Variants in MMEL1 observed in about 807,000 individuals in gnomAD.
The protein encoded by MMEL1 is membrane metallo-endopeptidase-like 1.
Under a neutral mutation model 117.1 loss-of-function variants are expected in MMEL1, and 98 were observed. The ratio of observed to expected loss-of-function variants is 0.84; its 90% confidence interval spans 0.71 to 0.99. The LOEUF (loss-of-function observed/expected upper bound fraction) is 0.99. Ranked by LOEUF, MMEL1 falls within the 50% of genes least tolerant of loss-of-function variation. MMEL1 has a pLI of 0.00. For synonymous variants in MMEL1, 390 were observed against 415.1 expected, an observed-to-expected ratio of 0.94 and a Z score of 0.74; for missense variants, 1,014 against 1,049.1, an observed-to-expected ratio of 0.97 and a Z score of 0.46.
chr1:2,623,150 A>T (rs1645316081), intron 2 of MMEL1, among the ~76,000 whole-genome samples: 2 of 151,992 alleles, frequency 1.3e-5, no homozygotes, highest in African/African-American at 4.8e-5. Flanking sequence ...GCCTGGCAAC[A>T]GAGTGACTCC....
At position 2,609,408 on chromosome 1, in the gene MMEL1, T is replaced by C. The variant is rs762971044; in HGVS notation, c.466A>G (p.Asn156Asp). The C allele has an allele frequency of 6.2e-7, 1 of 1,610,836 alleles. No homozygotes were observed. Among genetic ancestry groups the C allele is most frequent in the South Asian group, 1.1e-5 (1 of 90,530 alleles). The change falls in exon 6 of 24, where the codon AAT becomes GAT. Residue 156 changes from asparagine (N) to aspartate (D), a missense_variant. Physicochemically the swap from Asn to Asp is conservative, Grantham distance 23. Transcript: ENST00000378412. ...GCCGGCCGGTCCTTGGCAGTCGAAT[T>C]CTCCAGCACCGCTGTGGGCACAGGA... is the stretch of plus-strand genomic sequence containing the variant. ...LEVILKAVLE[N>D]STAKDRPAVE...
Position 2,595,382 on chromosome 1 carries a change from T to C in MMEL1, c.1501-23A>G. ...GGCCTGAGTGGGGAGGAGGGACTGG[T>C]CAGTGGGTGCCCCACTGCGGATGGA... On this transcript the variant is annotated intron_variant, in intron 15 of 23. Coordinates refer to ENST00000378412, the MANE Select transcript of MMEL1 (RefSeq NM_033467.4). This position sits in a 1 kb window ranked among gnomAD's most constrained non-coding sequence, Gnocchi z 4.8. 1 of 1,608,912 alleles carries C rather than the reference T, an allele frequency of 6.2e-7. No individual in the cohort carries two copies. Among genetic ancestry groups the C allele is most frequent in the Admixed American group, 1.7e-5 (1 of 59,978 alleles).
Position 2,612,060 on chromosome 1 carries a change from T to TC in MMEL1, c.232+66dup, listed in dbSNP as rs1204374584. The TC allele has an allele frequency of 4.4e-6, 6 of 1,353,246 alleles. No individual in the cohort carries two copies. The highest frequency in any genetic ancestry group is 6.2e-6 in the Non-Finnish European group (6 of 966,442). The allele number at this position is 1,353,246 out of a possible 1,614,324, so 83.8% of individuals were successfully genotyped here. On this transcript the variant is annotated intron_variant, in intron 3 of 23. Coordinates refer to ENST00000378412, the MANE Select transcript of MMEL1 (RefSeq NM_033467.4). The surrounding 1 kb of genome is among the most constrained non-coding windows in gnomAD (Gnocchi z 5.4). ...ACCCAGCCCCTGCCCCTCCACGGAG[T>TC]CCCCCCACCTTGGGAGGCCAGCGCC... is the stretch of plus-strand genomic sequence containing the variant.
chr1:2,625,542 C>G (rs536281262), intron 2 of MMEL1, among the ~76,000 whole-genome samples: 1 of 152,314 alleles, frequency 6.6e-6, no homozygotes, highest in African/African-American at 2.4e-5. Flanking sequence ...GTGGGTGAAT[C>G]ACAGCGGAGC....
intron 2 of MMEL1, among the ~76,000 whole-genome samples, chr1:2,619,311 G>C (rs1482373684): frequency 1.3e-5 from 2 of 152,142 alleles, no homozygotes; most frequent in African/African-American, 4.8e-5. Context: ...TGGGTTTTAA[G>C]ACCCCAACTG....
At chr1:2,606,649 T>C (rs936270591) in intron 7 of MMEL1, among the ~76,000 whole-genome samples, 3 of 151,994 alleles carry the variant, frequency 2.0e-5, no homozygotes, top group African/African-American at 7.2e-5. Flanking sequence ...ATGGAGCACA[T>C]GCTCAGAGTG....
intron 4 of MMEL1, 66 bp downstream of exon 4, chr1:2,611,215 C>CGTCAGT (rs1645121567): frequency 1.4e-6 from 2 of 1,477,562 alleles, no homozygotes; most frequent in African/African-American, 2.8e-5. Flanking sequence ...GCGGGGCCTA[C>CGTCAGT]GTCAGTGTCA....
chr1:2,593,720 G>A lies in MMEL1; in HGVS notation c.1867+94C>T, dbSNP rs1400696796. On this transcript the variant is annotated intron_variant, in intron 19 of 23. Coordinates refer to ENST00000378412, the MANE Select transcript of MMEL1 (RefSeq NM_033467.4). ...TGGCCTCGGTGTCCCCACTGAAACCGTGAAGGGGTTGAATGGAGCGCCCCC... is the reference window on the plus strand; with the variant it reads ...TGGCCTCGGTGTCCCCACTGAAACCATGAAGGGGTTGAATGGAGCGCCCCC... 9.8e-6 allele frequency: 14 copies of A among 1,433,284 alleles called. No individual in the cohort carries two copies. The East Asian group carries it at 1.0e-4, about 11-fold the overall frequency. The allele number at this position is 1,433,284 out of a possible 1,614,324, so 88.8% of individuals were successfully genotyped here.
At chr1:2,619,015 C>T (rs577761361) in intron 2 of MMEL1, among the ~76,000 whole-genome samples, 5 of 152,284 alleles carry the variant, frequency 3.3e-5, no homozygotes, top group South Asian at 4.1e-4. Flanking sequence ...CTTGACTGTG[C>T]GTGGCCCAAG....
At chr1:2,624,069 C>T (rs1031937753) in intron 2 of MMEL1, among the ~76,000 whole-genome samples, 7 of 152,194 alleles carry the variant, frequency 4.6e-5, no homozygotes, top group African/African-American at 1.7e-4. Flanking sequence ...CCAAGAGGTG[C>T]ATCCCCAGCC....
chr1:2,595,185 G>T lies in MMEL1; in HGVS notation c.1584+91C>A. ...CAGCTGTGTTAGCGCCTGGGAGGAG[G>T]GCACAGAGCTTGGCACAGAGGAGCC... On this transcript the variant is annotated intron_variant, in intron 16 of 23. Transcript: ENST00000378412. The surrounding 1 kb of genome is among the most constrained non-coding windows in gnomAD (Gnocchi z 4.8). 1 of 1,178,010 alleles carries T rather than the reference G, an allele frequency of 8.5e-7. No homozygotes were observed. Among genetic ancestry groups the T allele is most frequent in the Non-Finnish European group, 1.2e-6 (1 of 811,362 alleles). The allele number at this position is 1,178,010 out of a possible 1,614,324, so 73.0% of individuals were successfully genotyped here.
intron 2 of MMEL1, among the ~76,000 whole-genome samples, chr1:2,614,906 C>A (rs913629510): frequency 1.2e-4 from 18 of 151,514 alleles, no homozygotes; most frequent in East Asian, 1.9e-4. Context: ...TGCTCCCCCC[C>A]AAAAAACTCA....
chr1:2,597,854 T>G (rs893556176), intron 13 of MMEL1, among the ~76,000 whole-genome samples: 4 of 152,210 alleles, frequency 2.6e-5, no homozygotes, highest in African/African-American at 7.2e-5. Flanking sequence ...GTCCGGCCCC[T>G]GCCTGCTCCT....
In MMEL1 at chr1:2,595,512, G is replaced by A. The variant is rs959903756; in HGVS notation, c.1501-153C>T. Among the ~76,000 whole-genome samples, 1 of 152,126 alleles carries A rather than the reference G, an allele frequency of 6.6e-6. No individual in the cohort carries two copies. The highest frequency in any genetic ancestry group is 1.5e-5 in the Non-Finnish European group (1 of 68,004). On this transcript the variant is annotated intron_variant, in intron 15 of 23. Coordinates refer to ENST00000378412, the MANE Select transcript of MMEL1 (RefSeq NM_033467.4). This position sits in a 1 kb window ranked among gnomAD's most constrained non-coding sequence, Gnocchi z 4.8. ...CTGTGGTGAGGGGCTGGGGGGCTCCGGGATCTGGCCCCCACCTTGCAGGCT... is the reference window on the plus strand; with the variant it reads ...CTGTGGTGAGGGGCTGGGGGGCTCCAGGATCTGGCCCCCACCTTGCAGGCT...
At chr1:2,591,723 C>CT in intron 22 of MMEL1, 90 bp from the exon 23 acceptor site, 1 of 1,198,114 alleles carries the variant, frequency 8.3e-7, no homozygotes, top group Non-Finnish European at 1.2e-6. Flanking sequence ...CAGGCTGCCC[C>CT]TTCTAGGGTG....
At position 2,591,364 on chromosome 1, in the gene MMEL1, T is replaced by G. The variant is rs1644700179; in HGVS notation, c.2240+193A>C. 1.1e-5 allele frequency: 7 copies of G among 609,476 alleles called. No individual in the cohort carries two copies. In the South Asian group the frequency reaches 1.2e-4, roughly 10 times the overall value. 37.8% of individuals were successfully genotyped at this position (609,476 alleles called of 1,614,324 possible). ...CAGCCTGCGGTAGGCTCCCCCTTCCTAAACCCTTAAATGCCCTTAGTCTGT... is the reference window on the plus strand; with the variant it reads ...CAGCCTGCGGTAGGCTCCCCCTTCCGAAACCCTTAAATGCCCTTAGTCTGT... On this transcript the variant is annotated intron_variant, in intron 23 of 23. Transcript: ENST00000378412.
At chr1:2,627,572 G>A (rs894459588) in intron 2 of MMEL1, among the ~76,000 whole-genome samples, 34 of 152,018 alleles carry the variant, frequency 2.2e-4, no homozygotes, top group Non-Finnish European at 1.3e-4. Context: ...ATCAAAGAAA[G>A]AACCACATAA....
intron 11 of MMEL1, among the ~76,000 whole-genome samples, chr1:2,602,612 T>C (rs944304111): frequency 1.3e-5 from 2 of 152,200 alleles, no homozygotes; most frequent in Admixed American, 1.3e-4. Flanking sequence ...TCACTCTTAC[T>C]TGTGAACCAG....
intron 14 of MMEL1, among the ~76,000 whole-genome samples, 162 bp downstream of exon 14, chr1:2,596,399 G>A (rs1029089838): frequency 1.3e-5 from 2 of 152,166 alleles, no homozygotes; most frequent in Non-Finnish European, 2.9e-5. Context: ...GCCGGCTGGG[G>A]TCAGGGGCAT....
Sources: allele counts gnomAD v4.1 joint callset (sites outside exome capture counted in the v4.1 genomes callset), GRCh38; gene constraint gnomAD v4.1.1; non-coding constraint Gnocchi (gnomAD v3.1); transcripts MANE v1.5; gene names NCBI Gene and HGNC (gene_info 2026-07-23, HGNC 2026-07-21).